PTPRM: variants seen among roughly 807,000 people sequenced by gnomAD.
PTPRM encodes receptor-type tyrosine-protein phosphatase mu.
PTPRM carries 47 observed loss-of-function variants against 186.7 expected under a neutral mutation model. The observed-to-expected ratio is 0.25, with a 90% CI of 0.20 to 0.32. PTPRM has a LOEUF of 0.32. PTPRM is among the 10% of genes least tolerant of loss of function. PTPRM has a pLI of 1.00. For missense variants in PTPRM, 1,494 were observed against 1,865.0 expected, an observed-to-expected ratio of 0.80 and a Z score of 3.66; for synonymous variants, 668 against 674.9, an observed-to-expected ratio of 0.99 and a Z score of 0.16.
chr18:7,636,323 T>C (rs925368900), intron 1 of PTPRM, among the ~76,000 whole-genome samples: 10 of 152,168 alleles, frequency 6.6e-5, no homozygotes, highest in African/African-American at 2.4e-4. Context: ...GTTGCAGGCC[T>C]CCATTGGGTT....
intron 23 of PTPRM, among the ~76,000 whole-genome samples, chr18:8,352,485 T>C (rs1022714524): frequency 1.3e-5 from 2 of 152,200 alleles, no homozygotes; most frequent in African/African-American, 4.8e-5. Context: ...TTCCCATCTT[T>C]GTGCCGTGTA....
chr18:8,245,848 A>C lies in PTPRM; in HGVS notation c.2452+1639A>C, dbSNP rs554718980. On this transcript the variant is annotated intron_variant, in intron 15 of 32. Transcript: ENST00000580170. Reference sequence around the variant, plus strand: ...GTTCTAGGTGTTTGAAGTTTGAACAACAAGAATATTCACTTCTGGACAGGA... The same window carrying C: ...GTTCTAGGTGTTTGAAGTTTGAACACCAAGAATATTCACTTCTGGACAGGA... Among the ~76,000 whole-genome samples the C allele has an allele frequency of 3.3e-4, 50 of 152,384 alleles. 1 individual carries two copies. The South Asian group carries it at 0.01, about 32-fold the overall frequency.
At chr18:7,906,115 C>T (rs1188021736) in intron 3 of PTPRM, among the ~76,000 whole-genome samples, 2 of 152,146 alleles carry the variant, frequency 1.3e-5, no homozygotes, top group Non-Finnish European at 2.9e-5. Flanking sequence ...CCCAAAGCCT[C>T]TTCTATCTTG....
chr18:7,670,945 T>C (rs1414254144), intron 1 of PTPRM, among the ~76,000 whole-genome samples: 1 of 152,226 alleles, frequency 6.6e-6, no homozygotes, highest in Non-Finnish European at 1.5e-5. Context: ...TGAAGGTAAC[T>C]CTTAAAATTA....
chr18:8,230,189 A>G (rs1389232859), intron 14 of PTPRM, among the ~76,000 whole-genome samples: 1 of 152,198 alleles, frequency 6.6e-6, no homozygotes, highest in African/African-American at 2.4e-5. Context: ...CCCAACAAAG[A>G]TAAAAACCCT....
chr18:7,743,193 G>C (rs765570701), intron 1 of PTPRM, among the ~76,000 whole-genome samples: 1 of 152,144 alleles, frequency 6.6e-6, no homozygotes, highest in Non-Finnish European at 1.5e-5. Flanking sequence ...GCCGCTGATT[G>C]TCACTTAGCT....
At chr18:7,949,945 A>G (rs1367247067) in intron 6 of PTPRM, among the ~76,000 whole-genome samples, 1 of 152,100 alleles carries the variant, frequency 6.6e-6, no homozygotes, top group Non-Finnish European at 1.5e-5. Context: ...GGTTTTTTGT[A>G]GGCTGAGGAA....
intron 7 of PTPRM, among the ~76,000 whole-genome samples, chr18:7,980,396 G>T (rs75143958): frequency 0.052 from 7,953 of 151,570 alleles, 491 homozygotes; most frequent in African/African-American, 0.15. Flanking sequence ...TTTATTTTTA[G>T]TATTTTTAGA....
At chr18:7,942,378 T>A (rs1481064709) in intron 5 of PTPRM, among the ~76,000 whole-genome samples, 2 of 152,116 alleles carry the variant, frequency 1.3e-5, no homozygotes, top group Non-Finnish European at 2.9e-5. Context: ...TGTGTTTTTA[T>A]GGACAGTCGT....
chr18:7,779,216 G>A (rs1024745014), intron 2 of PTPRM, among the ~76,000 whole-genome samples: 4 of 152,196 alleles, frequency 2.6e-5, no homozygotes, highest in South Asian at 4.1e-4. Flanking sequence ...TAGAAAGGCT[G>A]TAATTAAGTG....
intron 24 of PTPRM, among the ~76,000 whole-genome samples, chr18:8,375,610 C>T (rs1014103479): frequency 1.3e-5 from 2 of 152,154 alleles, no homozygotes; most frequent in Non-Finnish European, 2.9e-5. Flanking sequence ...GCCGGAAAGC[C>T]CCAACACGGA....
intron 23 of PTPRM, among the ~76,000 whole-genome samples, chr18:8,352,899 T>A (rs112531304): frequency 0.027 from 4,170 of 152,270 alleles, 195 homozygotes; most frequent in African/African-American, 0.093. Context: ...CTTGAACTCC[T>A]GACCTTGTGA....
chr18:7,682,886 C>A (rs1598364055), intron 1 of PTPRM, among the ~76,000 whole-genome samples: 1 of 152,118 alleles, frequency 6.6e-6, no homozygotes, highest in Non-Finnish European at 1.5e-5. Flanking sequence ...CTGAAACCTA[C>A]TCTGGATACT....
chr18:7,832,532 A>G (rs1307317601), intron 2 of PTPRM, among the ~76,000 whole-genome samples: 1 of 152,072 alleles, frequency 6.6e-6, no homozygotes, highest in Non-Finnish European at 1.5e-5. Flanking sequence ...CCCTTGTGAG[A>G]TGGGTAGTTT....
chr18:8,314,831 G>A lies in PTPRM; in HGVS notation c.2893G>A (p.Asp965Asn). 1.2e-6 allele frequency: 2 copies of A among 1,608,346 alleles called. No homozygotes were observed. The highest frequency in any genetic ancestry group is 1.7e-6 in the Non-Finnish European group (2 of 1,175,566). ...LQTIEGDTNS[D>N]YINGNYIDGY... ...GACAATAGAAGGAGACACAAACTCA[G>A]ACTATATCAATGGCAATTATATCGA... The change falls in exon 21 of 33, where the codon GAC (aspartate) becomes AAC (asparagine). Residue 965 changes from aspartate (D) to asparagine (N), a missense_variant. Transcript: ENST00000580170.
At chr18:8,054,498 T>G (rs2087770004) in intron 7 of PTPRM, among the ~76,000 whole-genome samples, 1 of 151,630 alleles carries the variant, frequency 6.6e-6, no homozygotes, top group Non-Finnish European at 1.5e-5. Context: ...GAAGGTATTA[T>G]CCTATGGCTA....
intron 6 of PTPRM, among the ~76,000 whole-genome samples, chr18:7,950,289 AGC>A: frequency 6.6e-6 from 1 of 152,186 alleles, no homozygotes; most frequent in African/African-American, 2.4e-5. Flanking sequence ...CTATACTCCC[AGC>A]TAGTCAGGAG....
At chr18:7,769,704 G>A (rs1897368892) in intron 1 of PTPRM, among the ~76,000 whole-genome samples, 1 of 152,084 alleles carries the variant, frequency 6.6e-6, no homozygotes, top group South Asian at 2.1e-4. Flanking sequence ...GTGTTGAATT[G>A]CATGTCTTGG....
At chr18:7,735,244 C>G (rs757184436) in intron 1 of PTPRM, among the ~76,000 whole-genome samples, 2 of 152,060 alleles carry the variant, frequency 1.3e-5, no homozygotes, top group Non-Finnish European at 2.9e-5. Context: ...TAGTGACACC[C>G]CATCTATACT....
Sources: gnomAD v4.1 joint callset for allele counts (sites outside exome capture counted in the v4.1 genomes callset) on GRCh38, gnomAD v4.1.1 for gene constraint, MANE v1.5 for transcripts, NCBI Gene and HGNC (gene_info 2026-07-23, HGNC 2026-07-21) for gene names.